RBM46: variants seen among roughly 807,000 people sequenced by gnomAD.
RBM46 encodes the protein RNA binding motif protein 46.
In RBM46, 12 loss-of-function variants were observed where a neutral mutation model predicts 43.3. The ratio of observed to expected loss-of-function variants is 0.28; its 90% CI spans 0.18 to 0.45. RBM46 has a LOEUF of 0.45. Ranked by LOEUF, RBM46 falls within the 20% of genes least tolerant of loss-of-function variation. RBM46 has a pLI of 1.00. For synonymous variants in RBM46, 205 were observed against 207.6 expected (o/e 0.99, Z 0.11); for missense variants, 412 against 639.1 (o/e 0.64, Z 3.83).
intron 4 of RBM46, among the ~76,000 whole-genome samples, chr4:154,819,955 A>G (rs1051540114): frequency 2.0e-5 from 3 of 152,138 alleles, no homozygotes; most frequent in African/African-American, 7.2e-5. Flanking sequence ...CATATGTAAA[A>G]TAACTACACC....
intron 4 of RBM46, among the ~76,000 whole-genome samples, chr4:154,809,808 G>T (rs932276192): frequency 6.6e-6 from 1 of 152,082 alleles, no homozygotes; most frequent in Non-Finnish European, 1.5e-5. Flanking sequence ...TTCCACAAAA[G>T]ATTTGAGGTG....
intron 4 of RBM46, among the ~76,000 whole-genome samples, chr4:154,814,865 C>G (rs1192934547): frequency 6.6e-6 from 1 of 150,946 alleles, no homozygotes; most frequent in African/African-American, 2.4e-5. Flanking sequence ...ACTCCTTAAG[C>G]TATAACATTA....
chr4:154,802,605 G>A (rs943590610), intron 4 of RBM46, among the ~76,000 whole-genome samples: 6 of 152,322 alleles, frequency 3.9e-5, no homozygotes, highest in Admixed American at 2.6e-4. Context: ...TACTTACGTA[G>A]TCCAAGGATT....
chr4:154,798,420 T>C (rs1050362559), intron 3 of RBM46, 142 bp downstream of exon 3: 2 of 606,508 alleles, frequency 3.3e-6, no homozygotes, highest in African/African-American at 3.8e-5. Context: ...TAAAATAAAT[T>C]ACATGATTCT....
intron 4 of RBM46, among the ~76,000 whole-genome samples, chr4:154,804,965 AT>A (rs908733212): frequency 1.3e-5 from 2 of 152,066 alleles, no homozygotes; most frequent in African/African-American, 4.8e-5. Context: ...AGATACACAA[AT>A]TCTTTGCATA....
chr4:154,818,497 C>T (rs569419081), intron 4 of RBM46, among the ~76,000 whole-genome samples: 4 of 152,182 alleles, frequency 2.6e-5, no homozygotes, highest in African/African-American at 9.6e-5. Context: ...TTCCCTGTAC[C>T]CAGCTACTTC....
At chr4:154,786,524 G>A (rs1400540769) in intron 1 of RBM46, among the ~76,000 whole-genome samples, 3 of 152,080 alleles carry the variant, frequency 2.0e-5, no homozygotes, top group Non-Finnish European at 4.4e-5. Context: ...AAGATACAAA[G>A]CTGATAATAC....
At chr4:154,788,544 A>G (rs962984103) in intron 1 of RBM46, among the ~76,000 whole-genome samples, 5 of 152,056 alleles carry the variant, frequency 3.3e-5, no homozygotes, top group South Asian at 2.1e-4. Flanking sequence ...CCATTGGTCT[A>G]TATCTCTGTT....
intron 1 of RBM46, among the ~76,000 whole-genome samples, chr4:154,788,390 C>G (rs967275559): frequency 1.3e-5 from 2 of 152,178 alleles, no homozygotes; most frequent in African/African-American, 4.8e-5. Flanking sequence ...GATCCAGTTT[C>G]AGCTTTCTCC....
intron 4 of RBM46, among the ~76,000 whole-genome samples, chr4:154,816,491 TA>T (rs1735450022): frequency 6.6e-6 from 1 of 152,144 alleles, no homozygotes. Context: ...AATGTCATCA[TA>T]AAAAATAACT....
intron 4 of RBM46, among the ~76,000 whole-genome samples, chr4:154,820,203 G>A (rs973429189): frequency 7.3e-5 from 11 of 151,722 alleles, no homozygotes; most frequent in Non-Finnish European, 4.4e-5. Context: ...TAGAACTCCA[G>A]AAATAACTAT....
At chr4:154,819,083 A>G (rs1240009191) in intron 4 of RBM46, among the ~76,000 whole-genome samples, 6 of 152,062 alleles carry the variant, frequency 3.9e-5, no homozygotes, top group African/African-American at 1.4e-4. Context: ...ACCTCCTTGT[A>G]TGACTGGTTA....
intron 1 of RBM46, among the ~76,000 whole-genome samples, chr4:154,793,906 A>C (rs956596439): frequency 6.6e-6 from 1 of 152,076 alleles, no homozygotes; most frequent in African/African-American, 2.4e-5. Context: ...AAAGCATTTG[A>C]GTGATCGTTT....
At chr4:154,820,329 A>G (rs1053472578) in intron 4 of RBM46, 1 of 1,412,350 alleles carries the variant, frequency 7.1e-7, no homozygotes, top group African/African-American at 1.4e-5. Context: ...ATCAATCTAA[A>G]GACTCAATTA....
intron 1 of RBM46, chr4:154,790,498 T>G (rs1734030753): frequency 6.6e-6 from 1 of 152,358 alleles, no homozygotes; most frequent in Non-Finnish European, 1.5e-5. Flanking sequence ...GGGGAATAAA[T>G]TTTTAAAAAA....
intron 4 of RBM46, among the ~76,000 whole-genome samples, chr4:154,813,753 T>C (rs1355340158): frequency 6.6e-6 from 1 of 152,042 alleles, no homozygotes; most frequent in East Asian, 1.9e-4. Flanking sequence ...TTCAGTTTAG[T>C]TTCCTAAAAA....
intron 4 of RBM46, among the ~76,000 whole-genome samples, chr4:154,810,631 G>A (rs186434726): frequency 6.6e-6 from 1 of 152,214 alleles, no homozygotes; most frequent in East Asian, 1.9e-4. Context: ...AACTATCTAA[G>A]CCTTTCAGCT....
chr4:154,792,607 T>C (rs1156869609), intron 1 of RBM46, among the ~76,000 whole-genome samples: 3 of 152,182 alleles, frequency 2.0e-5, no homozygotes, highest in Non-Finnish European at 2.9e-5. Context: ...CACAGCACGC[T>C]GAAATGGATT....
At chr4:154,820,966 G>A (rs1165351982) in intron 4 of RBM46, among the ~76,000 whole-genome samples, 1 of 151,728 alleles carries the variant, frequency 6.6e-6, no homozygotes, top group Non-Finnish European at 1.5e-5. Context: ...TGTTTTCTAG[G>A]ATGTAATTCA....
Sources: gnomAD v4.1 joint callset for allele counts (sites outside exome capture counted in the v4.1 genomes callset) on GRCh38, gnomAD v4.1.1 for gene constraint, MANE v1.5 for transcripts, NCBI Gene and HGNC (gene_info 2026-07-23, HGNC 2026-07-21) for gene names.